The following CFAP97 variants were observed in gnomAD, a reference collection of about 807,000 sequenced individuals.
CFAP97 encodes cilia- and flagella-associated protein 97.
CFAP97 carries 36 observed loss-of-function variants against 43.1 expected under a neutral mutation model. The ratio of observed to expected loss-of-function variants is 0.84; its 90% confidence interval spans 0.64 to 1.10. The LOEUF (loss-of-function observed/expected upper bound fraction) is 1.10, where lower values mean the gene tolerates loss of function less well. Ranked by LOEUF, CFAP97 falls within the 50% of genes least tolerant of loss-of-function variation. The pLI is 0.00. For missense variants in CFAP97, 657 were observed against 620.3 expected (o/e 1.06, Z -0.63); for synonymous variants, 228 against 225.7 (o/e 1.01, Z -0.09).
chr4:185,210,119 T>C (rs1038794245), upstream of CFAP97: 1 of 984,082 alleles, frequency 1.0e-6, no homozygotes, highest in Non-Finnish European at 1.2e-6. This position sits in a 1 kb window ranked among gnomAD's most constrained non-coding sequence, Gnocchi z 4.4. Context: ...AGCCTGTACC[T>C]GAGCTGCGCG....
At chr4:185,208,025 A>G (rs1294356624), upstream of CFAP97, among the ~76,000 whole-genome samples, 3 of 152,220 alleles carry the variant, frequency 2.0e-5, no homozygotes, top group African/African-American at 7.2e-5. Context: ...GGTAGGGTAC[A>G]CTTTGAGGGG....
chr4:185,192,638 T>G (rs1199440439), intron 1 of CFAP97, among the ~76,000 whole-genome samples: 1 of 152,074 alleles, frequency 6.6e-6, no homozygotes, highest in African/African-American at 2.4e-5. Flanking sequence ...TATCTGTTTA[T>G]TACAGTGGTC....
intron 2 of CFAP97, among the ~76,000 whole-genome samples, 179 bp from the exon 3 acceptor site, chr4:185,176,230 A>C (rs1735535662): frequency 6.6e-6 from 1 of 151,488 alleles, no homozygotes; most frequent in Non-Finnish European, 1.5e-5. Flanking sequence ...CTCCTGCCTC[A>C]GCCTCCAGAC....
chr4:185,189,177 C>T (rs188158076), intron 2 of CFAP97, among the ~76,000 whole-genome samples: 229 of 152,294 alleles, frequency 1.5e-3, no homozygotes, highest in Non-Finnish European at 2.4e-3. Flanking sequence ...GTCAAGGCTG[C>T]AGTGAGCTGT....
chr4:185,190,652 G>A lies in CFAP97; in HGVS notation c.545C>T (p.Ser182Leu), dbSNP rs1314908212. 6.3e-7 allele frequency: 1 copy of A among 1,582,070 alleles called. No individual in the cohort carries two copies. Among genetic ancestry groups the A allele is most frequent in the African/African-American group, 1.3e-5 (1 of 74,446 alleles). ...ATCTAAACAATCTGTACCTGAACCT[G>A]AAGATGAGGAAGATAAAGAGGAGGA... The part of the protein sequence containing the change: ...SSSSSLSSSS[S>L]GSGTDCLDAG... Residue 182 changes from serine to leucine, a missense_variant, in exon 2 of 5, where the codon TCA becomes TTA. Physicochemically the swap from Ser to Leu is moderately radical, Grantham distance 145 (BLOSUM62 -2). Coordinates refer to ENST00000458385, the MANE Select transcript of CFAP97 (RefSeq NM_020827.3).
intron 3 of CFAP97, chr4:185,169,141 A>G (rs971086089): frequency 1.3e-5 from 2 of 152,198 alleles, no homozygotes; most frequent in Non-Finnish European, 2.9e-5. Context: ...AAGATGAGTA[A>G]GTTCTGGAGA....
At chr4:185,200,318 A>G (rs754492163) in intron 1 of CFAP97, among the ~76,000 whole-genome samples, 1 of 152,228 alleles carries the variant, frequency 6.6e-6, no homozygotes, top group Non-Finnish European at 1.5e-5. Flanking sequence ...CAACATAGTG[A>G]GATCCCGTCT....
In CFAP97 at chr4:185,190,956, C is replaced by A. The variant is rs769845465; in HGVS notation, c.241G>T (p.Val81Leu). 2 of 1,613,762 alleles carry A rather than the reference C, an allele frequency of 1.2e-6. No homozygotes were observed. The highest frequency in any genetic ancestry group is 8.5e-7 in the Non-Finnish European group (1 of 1,179,774). Residue 81 changes from valine (V) to leucine (L), a missense_variant, in exon 2 of 5, where the codon GTA (valine) becomes TTA (leucine). Physicochemically the swap from Val to Leu is conservative, Grantham distance 32. Coordinates refer to ENST00000458385, the MANE Select transcript of CFAP97 (RefSeq NM_020827.3). ...ACAGTTTGTGTAACATCATTCTCTA[C>A]GGGGTGTTCTGGGGGAAATTTCACG... ...RNVKFPPEHP[V>L]ENDVTQTVSS...
At chr4:185,176,583 A>G (rs1192262711) in intron 2 of CFAP97, among the ~76,000 whole-genome samples, 1 of 152,220 alleles carries the variant, frequency 6.6e-6, no homozygotes, top group Non-Finnish European at 1.5e-5. Context: ...CGAAACAATG[A>G]AAGTATCTTT....
chr4:185,201,185 G>T (rs113192768), intron 1 of CFAP97, among the ~76,000 whole-genome samples: 19,232 of 151,880 alleles, frequency 0.13, 1,267 homozygotes, highest in African/African-American at 0.14. Context: ...AATTAGCTGG[G>T]CGTGGTGGCC....
chr4:185,210,237 C>T (rs1737519076), upstream of CFAP97: 49 of 984,922 alleles, frequency 5.0e-5, no homozygotes, highest in South Asian at 1.9e-3. This position sits in a 1 kb window ranked among gnomAD's most constrained non-coding sequence, Gnocchi z 4.4. Flanking sequence ...CGACCTCAGC[C>T]GCCCGCCGCC....
At position 185,160,242 on chromosome 4, in the gene CFAP97, T is replaced by G. The variant is rs1734830412; in HGVS notation, c.*2556A>C. On this transcript the variant is annotated 3_prime_UTR_variant, in exon 5 of 5. Transcript: ENST00000458385. ...TTAAAAAACTTTCGTAGAATCTTAC[T>G]AAAAAGGAGGCAACATTAGTTTAAA... The G allele has an allele frequency of 2.0e-5, 3 of 152,114 alleles. No individual in the cohort carries two copies. The allele number at this position is 152,114 out of a possible 1,614,324, so 9.4% of individuals were successfully genotyped here. A position where few individuals can be genotyped will look rare whatever the true frequency, so the allele number is the denominator to read the frequency against.
At chr4:185,191,967 G>A (rs932526781) in intron 1 of CFAP97, among the ~76,000 whole-genome samples, 2 of 152,064 alleles carry the variant, frequency 1.3e-5, no homozygotes, top group Admixed American at 6.6e-5. Context: ...AAAAATAAAA[G>A]AAAGGAAAAC....
chr4:185,183,795 G>A (rs530796276), intron 2 of CFAP97, among the ~76,000 whole-genome samples: 25 of 152,180 alleles, frequency 1.6e-4, no homozygotes, highest in African/African-American at 4.8e-4. Flanking sequence ...TTGTTCCTGC[G>A]CCTTAAAAAG....
chr4:185,166,968 TTA>T (rs1456749188), intron 3 of CFAP97, among the ~76,000 whole-genome samples: 4 of 138,514 alleles, frequency 2.9e-5, no homozygotes, highest in Non-Finnish European at 6.6e-5. Context: ...TCTTAAAACA[TTA>T]TGAGATTTTT....
intron 1 of CFAP97, among the ~76,000 whole-genome samples, chr4:185,191,892 T>C (rs1736274836): frequency 6.7e-6 from 1 of 150,154 alleles, no homozygotes. Context: ...ACAATTAGAG[T>C]TTAGAGTAAG....
chr4:185,182,480 C>T (rs1351772967), intron 2 of CFAP97: 2 of 152,202 alleles, frequency 1.3e-5, no homozygotes, highest in African/African-American at 4.8e-5. Flanking sequence ...GTATCTAATA[C>T]TGCCACTATG....
intron 1 of CFAP97, among the ~76,000 whole-genome samples, chr4:185,201,778 A>G (rs1007669200): frequency 6.6e-6 from 1 of 152,168 alleles, no homozygotes; most frequent in Non-Finnish European, 1.5e-5. Context: ...TCTCCAAGGT[A>G]TGCCTGTATT....
chr4:185,202,181 G>A (rs1161409969), intron 1 of CFAP97, among the ~76,000 whole-genome samples: 1 of 152,168 alleles, frequency 6.6e-6, no homozygotes, highest in Non-Finnish European at 1.5e-5. Context: ...TTTGGAGTTA[G>A]GAGATTTAAG....
Sources: allele counts gnomAD v4.1 joint callset (sites outside exome capture counted in the v4.1 genomes callset), GRCh38; gene constraint gnomAD v4.1.1; non-coding constraint Gnocchi (gnomAD v3.1); transcripts MANE v1.5; gene names NCBI Gene and HGNC (gene_info 2026-07-23, HGNC 2026-07-21).